PREX2: variants seen among roughly 807,000 people sequenced by gnomAD.
PREX2 encodes phosphatidylinositol 3,4,5-trisphosphate-dependent Rac exchanger 2 protein.
Under a neutral mutation model 203.2 loss-of-function variants are expected in PREX2, and 107 were observed. The observed-to-expected ratio is 0.53, with a 90% CI of 0.45 to 0.62. PREX2 has a LOEUF of 0.62. Ranked by LOEUF, PREX2 falls within the 20% of genes least tolerant of loss-of-function variation. The pLI, the probability that PREX2 is intolerant of heterozygous loss-of-function variation, is 0.00. For synonymous variants in PREX2, 672 were observed against 663.6 expected, an observed-to-expected ratio of 1.01 and a Z score of -0.19; for missense variants, 1,777 against 1,955.9, an observed-to-expected ratio of 0.91 and a Z score of 1.72.
intron 37 of PREX2, among the ~76,000 whole-genome samples, chr8:68,201,565 G>A (rs1327302934): frequency 1.3e-5 from 2 of 152,106 alleles, no homozygotes; most frequent in East Asian, 3.9e-4. Context: ...ATCTCTCCAC[G>A]TTCTTCTGCC....
intron 34 of PREX2, among the ~76,000 whole-genome samples, chr8:68,150,378 G>T (rs1245351245): frequency 6.6e-6 from 1 of 152,164 alleles, no homozygotes; most frequent in African/African-American, 2.4e-5. Flanking sequence ...ACCCATTGTA[G>T]ATTAGCCTCA....
intron 15 of PREX2, among the ~76,000 whole-genome samples, chr8:68,080,104 C>T (rs748269064): frequency 2.6e-5 from 4 of 152,144 alleles, no homozygotes; most frequent in Admixed American, 6.5e-5. Flanking sequence ...TTTGGAGGCA[C>T]GCATTTTTGG....
intron 1 of PREX2, among the ~76,000 whole-genome samples, chr8:67,976,584 GAGAT>G (rs1806104386): frequency 3.8e-5 from 5 of 131,874 alleles, no homozygotes; most frequent in East Asian, 5.1e-4. Context: ...GACAGAGAGA[GAGAT>G]GGGAGAGAGA....
chr8:68,144,399 G>T (rs1310656154), intron 33 of PREX2, among the ~76,000 whole-genome samples: 1 of 151,996 alleles, frequency 6.6e-6, no homozygotes, highest in African/African-American at 2.4e-5. Context: ...TATAGATCTT[G>T]TAATATTTTA....
intron 11 of PREX2, among the ~76,000 whole-genome samples, chr8:68,064,626 C>T (rs905324302): frequency 6.6e-6 from 1 of 152,066 alleles, no homozygotes; most frequent in African/African-American, 2.4e-5. Flanking sequence ...AGTCCTTCCA[C>T]CTCAACCTCC....
intron 37 of PREX2, among the ~76,000 whole-genome samples, chr8:68,213,474 G>A (rs1183318353): frequency 1.3e-5 from 2 of 152,142 alleles, no homozygotes; most frequent in African/African-American, 2.4e-5. Context: ...TAGGTACAAA[G>A]TAGACAGGCA....
At chr8:68,228,003 G>A (rs930884456) in intron 39 of PREX2, among the ~76,000 whole-genome samples, 1 of 152,130 alleles carries the variant, frequency 6.6e-6, no homozygotes, top group African/African-American at 2.4e-5. Flanking sequence ...CACACAAAGA[G>A]CTTGCAGCCT....
chr8:68,133,682 G>C (rs762890052), intron 31 of PREX2, among the ~76,000 whole-genome samples: 5 of 152,094 alleles, frequency 3.3e-5, no homozygotes, highest in Admixed American at 6.5e-5. Flanking sequence ...TGACGAATTG[G>C]ACTTTGAGTT....
At chr8:68,177,415 A>C (rs1355067237) in intron 35 of PREX2, among the ~76,000 whole-genome samples, 4 of 152,144 alleles carry the variant, frequency 2.6e-5, no homozygotes, top group Non-Finnish European at 5.9e-5. Flanking sequence ...AATGTTTTAA[A>C]AATTAGCCCC....
At chr8:68,027,670 T>A (rs1360924476) in intron 5 of PREX2, among the ~76,000 whole-genome samples, 1 of 152,154 alleles carries the variant, frequency 6.6e-6, no homozygotes, top group Non-Finnish European at 1.5e-5. Context: ...CCACTGCTGG[T>A]ATATTTTTGA....
chr8:68,216,038 TA>T (rs1479129914), intron 37 of PREX2, among the ~76,000 whole-genome samples: 1 of 152,250 alleles, frequency 6.6e-6, no homozygotes, highest in African/African-American at 2.4e-5. Flanking sequence ...GAATTCTCTG[TA>T]ATGAGAAAGC....
intron 1 of PREX2, among the ~76,000 whole-genome samples, chr8:68,010,543 A>G (rs908922253): frequency 1.3e-5 from 2 of 152,174 alleles, no homozygotes; most frequent in Non-Finnish European, 1.5e-5. Flanking sequence ...GATAACATTT[A>G]CTGGGCCTTA....
intron 23 of PREX2, chr8:68,102,862 C>T (rs755210503): frequency 2.5e-5 from 13 of 518,452 alleles, no homozygotes; most frequent in African/African-American, 2.5e-4. Context: ...CTGGTCAGAC[C>T]TTACTGATGA....
chr8:68,026,926 A>G (rs1393273792), intron 4 of PREX2, among the ~76,000 whole-genome samples: 4 of 152,056 alleles, frequency 2.6e-5, no homozygotes, highest in Admixed American at 6.6e-5. Flanking sequence ...TTATCCATCC[A>G]TTAATCCATC....
intron 35 of PREX2, among the ~76,000 whole-genome samples, chr8:68,179,941 C>T (rs945959402): frequency 6.6e-6 from 1 of 152,002 alleles, no homozygotes; most frequent in Non-Finnish European, 1.5e-5. Context: ...TATCATTTAC[C>T]TCCTCACTGC....
At chr8:68,186,801 C>T (rs542346294) in intron 35 of PREX2, among the ~76,000 whole-genome samples, 3 of 152,258 alleles carry the variant, frequency 2.0e-5, no homozygotes, top group African/African-American at 7.2e-5. Flanking sequence ...TGTGAGCCAC[C>T]GTGCCCAGCC....
intron 6 of PREX2, among the ~76,000 whole-genome samples, chr8:68,035,889 T>C (rs375785476): frequency 5.2e-4 from 79 of 152,296 alleles, no homozygotes; most frequent in African/African-American, 1.7e-3. Flanking sequence ...CGAAGTTATA[T>C]GTATATTGTG....
intron 1 of PREX2, among the ~76,000 whole-genome samples, chr8:68,006,374 C>T (rs976778176): frequency 6.6e-6 from 1 of 152,204 alleles, no homozygotes; most frequent in African/African-American, 2.4e-5. Context: ...GATTTTTATT[C>T]CATTTTTTAT....
chr8:68,213,792 C>T (rs1323049616), intron 37 of PREX2, among the ~76,000 whole-genome samples: 1 of 152,174 alleles, frequency 6.6e-6, no homozygotes, highest in Non-Finnish European at 1.5e-5. Context: ...TGTGCTTCCT[C>T]ACATGTATAC....
Sources: gnomAD v4.1 joint callset for allele counts (sites outside exome capture counted in the v4.1 genomes callset) on GRCh38, gnomAD v4.1.1 for gene constraint, MANE v1.5 for transcripts, NCBI Gene and HGNC (gene_info 2026-07-23, HGNC 2026-07-21) for gene names.